The following CATSPER2 variants were observed in gnomAD, a reference collection of about 807,000 sequenced individuals.
CATSPER2 encodes cation channel sperm associated 2.
A neutral mutation model predicts 68.8 loss-of-function variants in CATSPER2; 56 were observed. The ratio of observed to expected loss-of-function variants is 0.81; its 90% CI spans 0.66 to 1.02. The LOEUF (loss-of-function observed/expected upper bound fraction) is 1.02, where lower values mean the gene tolerates loss of function less well. Among genes scored for constraint, CATSPER2 ranks in the 50% least tolerant of loss-of-function variants. The pLI is 0.00. For synonymous variants in CATSPER2, 198 were observed against 229.9 expected, an observed-to-expected ratio of 0.86 and a Z score of 1.26; for missense variants, 582 against 642.0, an observed-to-expected ratio of 0.91 and a Z score of 1.01.
chr15:43,640,511 C>A lies in CATSPER2; in HGVS notation c.389-15G>T. On this transcript the variant is annotated splice_polypyrimidine_tract_variant and intron_variant, in intron 4 of 12. Transcript: ENST00000396879. ...TTCCAGCAATTCTGTGAAGATAGAG[C>A]AAAGGAGGAATAAAAGTTAAGGAAG... 9 of 1,612,878 alleles carry A rather than the reference C, an allele frequency of 5.6e-6. No homozygotes were observed. The highest frequency in any genetic ancestry group is 6.8e-6 in the Non-Finnish European group (8 of 1,179,304).
At chr15:43,641,947 C>G (rs2086082274) in intron 4 of CATSPER2, among the ~76,000 whole-genome samples, 1 of 151,998 alleles carries the variant, frequency 6.6e-6, no homozygotes, top group Non-Finnish European at 1.5e-5. Flanking sequence ...ATCCGCCCGC[C>G]TTGGTCTCCC....
chr15:43,640,072 A>C (rs966085867), intron 5 of CATSPER2: 4 of 1,442,346 alleles, frequency 2.8e-6, no homozygotes, highest in South Asian at 1.5e-5. Flanking sequence ...ACTTAAAATA[A>C]TGCTTGGCAC....
At chr15:43,637,757 C>G (rs2085989373) in intron 7 of CATSPER2, 1 of 151,704 alleles carries the variant, frequency 6.6e-6, no homozygotes, top group Non-Finnish European at 1.5e-5. Flanking sequence ...GTTTTCTAGA[C>G]AGAGATCAGG....
Position 43,648,661 on chromosome 15 carries a change from T to A in CATSPER2, c.-35A>T. Reference sequence around the variant, plus strand: ...CAGGTTCTCTTTGCCCACTCAGTCCTTATTTCACGCTTCCGCCTCCAGCTC... The same window carrying A: ...CAGGTTCTCTTTGCCCACTCAGTCCATATTTCACGCTTCCGCCTCCAGCTC... On this transcript the variant is annotated 5_prime_UTR_variant, in exon 1 of 13. In the 5' UTR this introduces an upstream ATG that the reference lacks. Transcript: ENST00000396879. The A allele has an allele frequency of 7.0e-7, 1 of 1,418,834 alleles. No homozygotes were observed. Among genetic ancestry groups the A allele is most frequent in the Non-Finnish European group, 9.2e-7 (1 of 1,090,178 alleles). 87.9% of individuals were successfully genotyped at this position (1,418,834 alleles called of 1,614,324 possible).
chr15:43,643,931 C>T (rs181499760), intron 4 of CATSPER2, among the ~76,000 whole-genome samples: 1 of 152,030 alleles, frequency 6.6e-6, no homozygotes, highest in African/African-American at 2.4e-5. Flanking sequence ...TCACTGCTGC[C>T]TCAATCTCCT....
intron 1 of CATSPER2, 123 bp downstream of exon 1, chr15:43,648,506 A>C (rs2086215489): frequency 4.0e-6 from 4 of 1,008,480 alleles, no homozygotes; most frequent in Non-Finnish European, 5.4e-6. Flanking sequence ...CCAAGTGCAG[A>C]GAAATTGGAC....
rs190167915 is a variant in CATSPER2, at chr15:43,636,753, A to C, written c.843-534T>G. ...CTCACTATTCCATTAGTTCTTGGGTATAATAAATAATAAACAGGTATTGAC... is the reference window on the plus strand; with the variant it reads ...CTCACTATTCCATTAGTTCTTGGGTCTAATAAATAATAAACAGGTATTGAC... On this transcript the variant is annotated intron_variant, in intron 7 of 12. Transcript: ENST00000396879. Among the ~76,000 whole-genome samples the C allele has an allele frequency of 2.9e-3, 444 of 152,000 alleles. 8 individuals carry two copies. The highest frequency in any genetic ancestry group is 0.01 in the African/African-American group (418 of 41,448).
At position 43,648,790 on chromosome 15, in the gene CATSPER2, C is replaced by T. The variant is rs1247934466; in HGVS notation, c.-164G>A. ...CCCGCTCGACCCCCAGGTTTCGGCT[C>T]ACCCCGGGACCCGGCCCTAGCCCCT... On this transcript the variant is annotated 5_prime_UTR_variant, in exon 1 of 13. Transcript: ENST00000396879. The T allele has an allele frequency of 8.5e-6, 13 of 1,529,616 alleles. No homozygotes were observed. In the South Asian group the frequency reaches 1.2e-4, roughly 14 times the overall value. The allele number at this position is 1,529,616 out of a possible 1,614,324, so 94.8% of individuals were successfully genotyped here. A position where few individuals can be genotyped will look rare whatever the true frequency, so the allele number is the denominator to read the frequency against.
At chr15:43,637,633 A>G (rs2085987077) in intron 7 of CATSPER2, 1 of 152,022 alleles carries the variant, frequency 6.6e-6, no homozygotes, top group Admixed American at 6.5e-5. Flanking sequence ...TAATATTTAA[A>G]AAATATGTAA....
At chr15:43,632,116 T>C (rs2085882197) in intron 12 of CATSPER2, 83 bp downstream of exon 12, 32 of 1,440,536 alleles carry the variant, frequency 2.2e-5, no homozygotes, top group Non-Finnish European at 3.0e-5. Flanking sequence ...GATGCCAGAA[T>C]AGTGGACACC....
intron 4 of CATSPER2, among the ~76,000 whole-genome samples, chr15:43,644,117 G>A (rs932893628): frequency 1.9e-4 from 29 of 151,930 alleles, no homozygotes; most frequent in African/African-American, 7.0e-4. Context: ...GCCAATTGGT[G>A]TTTAAAATGC....
Position 43,647,419 on chromosome 15 carries a change from A to C in CATSPER2, c.194T>G (p.Val65Gly), listed in dbSNP as rs139742996. 1.4e-5 allele frequency: 23 copies of C among 1,613,546 alleles called. No individual in the cohort carries two copies. Among genetic ancestry groups the C allele is most frequent in the African/African-American group, 2.7e-5 (2 of 74,860 alleles). ...ACGCTGAGGCTTTATAGAGAAACGC[A>C]CTAGCTGGTGTTGATCTCCCAATAC... ...KLVLGDQHQL[V>G]RFSIKPQRIE... The change falls in exon 3 of 13, where the codon GTG (valine) becomes GGG (glycine). Residue 65 changes from valine to glycine, a missense_variant. By Grantham distance (109) the Val-to-Gly change is moderately radical. Around this residue, in one of 5 missense-constraint regions of CATSPER2, gnomAD observed 197 missense variants for 191.0 expected, o/e 1.03. Transcript: ENST00000396879.
In CATSPER2 at chr15:43,638,929, C is replaced by G; in HGVS notation, c.817G>C (p.Asp273His). Reference sequence around the variant, plus strand: ...GAGAAGAACACATGGTACTCCAGGTCCTGACGAGGTGAACGGGTGTACTCT... The same window carrying G: ...GAGAAGAACACATGGTACTCCAGGTGCTGACGAGGTGAACGGGTGTACTCT... ...FSEYTRSPRQ[D>H]LEYHVFFSDL... is the part of the protein sequence containing the mutation. Residue 273 changes from aspartate (D) to histidine (H), a missense_variant, in exon 7 of 13, where the codon GAC becomes CAC. This residue lies in a region of CATSPER2 where 91 missense variants were observed against 72.8 expected (regional missense o/e 1.25). Coordinates refer to ENST00000396879, the MANE Select transcript of CATSPER2 (RefSeq NM_172095.4). The G allele has an allele frequency of 6.2e-7, 1 of 1,613,220 alleles. No individual in the cohort carries two copies.
chr15:43,632,079 A>C, intron 12 of CATSPER2, 120 bp downstream of exon 12: 1 of 1,106,084 alleles, frequency 9.0e-7, no homozygotes. Context: ...TGCCTATTTT[A>C]GTTGTAGGCA....
Position 43,635,684 on chromosome 15 carries a change from A to T in CATSPER2, c.1121+43T>A, listed in dbSNP as rs191727031. The T allele has an allele frequency of 8.0e-4, 1,237 of 1,555,094 alleles. 21 individuals carry two copies. The African/African-American group carries it at 0.015, about 19-fold the overall frequency. ...TAGAAACAAGAAATGAGCTCAGGAAACCCTTGAGAAGGAAAGTTGGGGTTG... is the reference window on the plus strand; with the variant it reads ...TAGAAACAAGAAATGAGCTCAGGAATCCCTTGAGAAGGAAAGTTGGGGTTG... On this transcript the variant is annotated intron_variant, in intron 9 of 12. Transcript: ENST00000396879.
intron 2 of CATSPER2, 22 bp from the exon 3 acceptor site, chr15:43,647,489 G>C: frequency 6.2e-7 from 1 of 1,609,278 alleles, no homozygotes; most frequent in Non-Finnish European, 8.5e-7. Context: ...ATTAAAAAGG[G>C]ATAGTGGATA....
At chr15:43,641,242 G>A (rs1338266878) in intron 4 of CATSPER2, among the ~76,000 whole-genome samples, 8 of 150,912 alleles carry the variant, frequency 5.3e-5, no homozygotes, top group East Asian at 1.9e-4. Flanking sequence ...TCAGCCTTCC[G>A]AGTAGCTGGG....
rs2086016745 is a variant in CATSPER2 at position 43,638,915 on chromosome 15, A to G, written c.831T>C (p.His277=). Residue 277 remains histidine, a synonymous_variant, in exon 7 of 13, where the codon CAT becomes CAC. Coordinates refer to ENST00000396879, the MANE Select transcript of CATSPER2 (RefSeq NM_172095.4). ...TRSPRQDLEY[H]VFFSDLPNSL... is the part of the protein sequence containing the mutation. ...CCAGCTCTGCTTACGAGAAGAACAC[A>G]TGGTACTCCAGGTCCTGACGAGGTG... 3 of 1,612,900 alleles carry G rather than the reference A, an allele frequency of 1.9e-6. No homozygotes were observed. Among genetic ancestry groups the G allele is most frequent in the Non-Finnish European group, 2.5e-6 (3 of 1,179,382 alleles).
chr15:43,632,306 T>A lies in CATSPER2; in HGVS notation c.1454A>T (p.Asp485Val), dbSNP rs1295284094. ...TCTGGGCCAAACACGGTCATCCTGA[T>A]CCATTTCCATTAGCCCGGGCAGATT... is the stretch of plus-strand genomic sequence containing the variant. ...HENLPGLMEM[D>V]QDDRVWPRDS... Residue 485 changes from aspartate (D) to valine (V), a missense_variant, in exon 12 of 13, where the codon GAT becomes GTT. Physicochemically the swap from Asp to Val is radical, Grantham distance 152. Coordinates refer to ENST00000396879, the MANE Select transcript of CATSPER2 (RefSeq NM_172095.4). The A allele has an allele frequency of 6.2e-7, 1 of 1,613,736 alleles. No homozygotes were observed. The highest frequency in any genetic ancestry group is 1.7e-5 in the Admixed American group (1 of 59,972).
Sources: gnomAD v4.1 joint callset for allele counts (sites outside exome capture counted in the v4.1 genomes callset) on GRCh38, gnomAD v4.1.1 for gene constraint, gnomAD v4.1.1 regional missense constraint, MANE v1.5 for transcripts, NCBI Gene and HGNC (gene_info 2026-07-23, HGNC 2026-07-21) for gene names.